KDM4C: variants seen among roughly 807,000 people sequenced by gnomAD.
KDM4C encodes lysine demethylase 4C.
KDM4C carries 81 observed loss-of-function variants against 129.3 expected under a neutral mutation model. That is an observed-to-expected ratio of 0.63 (90% confidence interval 0.52 to 0.75). The LOEUF is 0.75. Ranked by LOEUF, KDM4C falls within the 30% of genes least tolerant of loss-of-function variation. The pLI, the probability that KDM4C is intolerant of heterozygous loss-of-function variation, is 0.00. For synonymous variants in KDM4C, 573 were observed against 456.1 expected (o/e 1.26, Z -3.26); for missense variants, 1,457 against 1,304.0 (o/e 1.12, Z -1.81).
At chr9:6,776,219 G>C (rs1822999847) in intron 1 of KDM4C, among the ~76,000 whole-genome samples, 1 of 152,132 alleles carries the variant, frequency 6.6e-6, no homozygotes. Flanking sequence ...TGGGTAGCTG[G>C]AACTACAGGC....
chr9:6,968,597 C>A (rs933925027), intron 8 of KDM4C, among the ~76,000 whole-genome samples: 1 of 152,084 alleles, frequency 6.6e-6, no homozygotes, highest in Non-Finnish European at 1.5e-5. Context: ...GAATTCTGCC[C>A]TTCTGCGTTA....
intron 3 of KDM4C, among the ~76,000 whole-genome samples, chr9:6,806,072 T>G (rs1041835215): frequency 7.9e-5 from 12 of 152,266 alleles, no homozygotes; most frequent in Non-Finnish European, 1.8e-4. Context: ...GCAGTTTTTT[T>G]GGTGTGTGTT....
At chr9:6,740,848 G>C (rs1415189327) in intron 1 of KDM4C, among the ~76,000 whole-genome samples, 3 of 149,456 alleles carry the variant, frequency 2.0e-5, no homozygotes, top group Non-Finnish European at 4.4e-5. Flanking sequence ...TTTTTTTTGA[G>C]ACGGAGTCTC....
At chr9:6,736,019 ACT>A (rs1817517506) in intron 1 of KDM4C, among the ~76,000 whole-genome samples, 1 of 151,914 alleles carries the variant, frequency 6.6e-6, no homozygotes, top group Non-Finnish European at 1.5e-5. Flanking sequence ...AGCAAAGGTG[ACT>A]CTTGTTATGT....
In KDM4C at chr9:6,721,003, T is replaced by C. The variant is rs1412359782; in HGVS notation, c.49+6T>C. The C allele has an allele frequency of 1.9e-6, 3 of 1,550,292 alleles. No individual in the cohort carries two copies. The South Asian group carries it at 3.6e-5, about 18-fold the overall frequency. On this transcript the variant is annotated splice_donor_region_variant and intron_variant, in intron 1 of 17. Coordinates refer to the KDM4C transcript ENST00000536108. ...GACTGAAGAAGCAGCTGCAGGTGAG[T>C]GCTGCTCTGAACATAATCCAGGACA... is the stretch of plus-strand genomic sequence containing the variant.
chr9:6,800,407 C>T (rs1828711966), intron 2 of KDM4C, among the ~76,000 whole-genome samples: 1 of 151,536 alleles, frequency 6.6e-6, no homozygotes, highest in African/African-American at 2.4e-5. Context: ...AGCGTAGGAG[C>T]ATGTGCCTGT....
chr9:6,868,246 G>A (rs1842350747), intron 5 of KDM4C, among the ~76,000 whole-genome samples: 1 of 151,616 alleles, frequency 6.6e-6, no homozygotes, highest in Admixed American at 6.6e-5. Context: ...CTGACAGAAC[G>A]TTTAGGTGAA....
chr9:7,027,067 G>A (rs1006396005), intron 15 of KDM4C, among the ~76,000 whole-genome samples: 3 of 152,066 alleles, frequency 2.0e-5, no homozygotes, highest in African/African-American at 7.2e-5. Context: ...ACATATCTGT[G>A]TTTCTCCAGG....
At chr9:7,005,694 A>G (rs1231956085) in intron 12 of KDM4C, among the ~76,000 whole-genome samples, 8 of 152,038 alleles carry the variant, frequency 5.3e-5, no homozygotes, top group Admixed American at 3.9e-4. Flanking sequence ...GAGGGGAAGG[A>G]TCATCATGTC....
At chr9:6,982,881 A>C (rs1209969589) in intron 9 of KDM4C, 1 of 152,240 alleles carries the variant, frequency 6.6e-6, no homozygotes, top group Non-Finnish European at 1.5e-5. Flanking sequence ...TCACCTACTT[A>C]GAAAGCCTGA....
chr9:7,135,742 C>T (rs1201866740), intron 19 of KDM4C, among the ~76,000 whole-genome samples: 1 of 152,176 alleles, frequency 6.6e-6, no homozygotes, highest in African/African-American at 2.4e-5. Flanking sequence ...AAGCCATTCC[C>T]AGAAACTTTT....
intron 17 of KDM4C, among the ~76,000 whole-genome samples, chr9:7,063,091 A>C (rs1440349844): frequency 6.6e-6 from 1 of 152,252 alleles, no homozygotes; most frequent in African/African-American, 2.4e-5. Flanking sequence ...GAAATGAAAT[A>C]GCATTAGCAA....
chr9:7,101,044 A>G (rs947947946), intron 17 of KDM4C, among the ~76,000 whole-genome samples: 2 of 151,888 alleles, frequency 1.3e-5, no homozygotes, highest in Non-Finnish European at 2.9e-5. Context: ...TTTTTCCTAT[A>G]TAGTTACGTA....
intron 19 of KDM4C, among the ~76,000 whole-genome samples, chr9:7,131,781 G>A (rs1012066003): frequency 3.3e-5 from 5 of 152,146 alleles, no homozygotes; most frequent in Admixed American, 6.5e-5. Flanking sequence ...AATCAGGTTT[G>A]TTTCTGTCTC....
intron 18 of KDM4C, among the ~76,000 whole-genome samples, chr9:7,113,494 C>A (rs1838563215): frequency 6.6e-6 from 1 of 152,200 alleles, no homozygotes; most frequent in Non-Finnish European, 1.5e-5. Flanking sequence ...TTTCCCACTG[C>A]TGATCTTTTG....
At chr9:6,867,019 T>G (rs13296422) in intron 5 of KDM4C, among the ~76,000 whole-genome samples, 2 of 58,850 alleles carry the variant, frequency 3.4e-5, no homozygotes, top group African/African-American at 1.2e-4. Flanking sequence ...ATATATATAT[T>G]TTTTTTTTTT....
rs553365371 is a variant in KDM4C, at chr9:6,880,234, C to T, written c.679+173C>T. Among the ~76,000 whole-genome samples the T allele has an allele frequency of 2.6e-5, 4 of 151,358 alleles. No individual in the cohort carries two copies. In the East Asian group the frequency reaches 7.8e-4, roughly 29 times the overall value. ...AATTGAACAATTTTAAATTTTTTCA[C>T]CTTAGTTTGTGAATATTATTTTTTC... On this transcript the variant is annotated intron_variant, in intron 6 of 21. Transcript: ENST00000381309.
chr9:6,964,285 T>G (rs1381894201), intron 8 of KDM4C, among the ~76,000 whole-genome samples: 1 of 146,474 alleles, frequency 6.8e-6, no homozygotes. Context: ...TTCCCCATCC[T>G]GTGTCCAAGC....
intron 8 of KDM4C, among the ~76,000 whole-genome samples, chr9:6,934,045 T>C (rs1177716871): frequency 1.3e-5 from 2 of 151,988 alleles, no homozygotes; most frequent in African/African-American, 4.8e-5. Context: ...AGATGGGGTT[T>C]CACCATGTTG....
Sources: allele counts gnomAD v4.1 joint callset (sites outside exome capture counted in the v4.1 genomes callset), GRCh38; gene constraint gnomAD v4.1.1; transcripts MANE v1.5; gene names NCBI Gene and HGNC (gene_info 2026-07-23, HGNC 2026-07-21).